The following PPIP5K2 variants were observed in gnomAD, a reference collection of about 807,000 sequenced individuals.
PPIP5K2 encodes the protein diphosphoinositol pentakisphosphate kinase 2, also known as inositol hexakisphosphate and diphosphoinositol-pentakisphosphate kinase 2.
Under a neutral mutation model 154.6 loss-of-function variants are expected in PPIP5K2, and 105 were observed. That is an observed-to-expected ratio of 0.68 (90% CI 0.58 to 0.80). The LOEUF (loss-of-function observed/expected upper bound fraction) is 0.80, where lower values mean the gene tolerates loss of function less well. Ranked by LOEUF, PPIP5K2 falls within the 30% of genes least tolerant of loss-of-function variation. The pLI, the probability that PPIP5K2 is intolerant of heterozygous loss-of-function variation, is 0.00. For synonymous variants in PPIP5K2, 480 were observed against 490.3 expected, an observed-to-expected ratio of 0.98 and a Z score of 0.28; for missense variants, 992 against 1,504.6, an observed-to-expected ratio of 0.66 and a Z score of 5.64.
At chr5:103,140,908 G>C (rs1284636388) in intron 5 of PPIP5K2, among the ~76,000 whole-genome samples, 1 of 151,988 alleles carries the variant, frequency 6.6e-6, no homozygotes, top group African/African-American at 2.4e-5. Flanking sequence ...AGAAACTGAG[G>C]GATTCATGAA....
chr5:103,191,001 A>C lies in PPIP5K2; in HGVS notation c.3493+19A>C, dbSNP rs1801147552. On this transcript the variant is annotated intron_variant, in intron 29 of 30. Coordinates refer to ENST00000358359, the MANE Select transcript of PPIP5K2 (RefSeq NM_001276277.3). ...GAAATTTGTAGGAAATTTTTCTTTC[A>C]TTGTTATTATTTAGTTGCTGGGCAA... 3 of 1,600,308 alleles carry C rather than the reference A, an allele frequency of 1.9e-6. No homozygotes were observed. Among genetic ancestry groups the C allele is most frequent in the Non-Finnish European group, 2.6e-6 (3 of 1,174,222 alleles).
Position 103,154,652 on chromosome 5 carries a change from T to TTC in PPIP5K2, c.1218-16_1218-15dup. 1 of 1,399,750 alleles carries TTC rather than the reference T, an allele frequency of 7.1e-7. No homozygotes were observed. The highest frequency in any genetic ancestry group is 9.9e-7 in the Non-Finnish European group (1 of 1,010,380). 86.7% of individuals were successfully genotyped at this position (1,399,750 alleles called of 1,614,324 possible). A position where few individuals can be genotyped will look rare whatever the true frequency, so the allele number is the denominator to read the frequency against. On this transcript the variant is annotated splice_polypyrimidine_tract_variant and intron_variant, in intron 11 of 30. Transcript: ENST00000358359. ...TAATTATTGCAAGTGACTAACAGTG[T>TTC]TCTGTCTTTTTTATAAGATTTTTTG...
At chr5:103,160,580 A>G (rs781971347) in intron 17 of PPIP5K2, among the ~76,000 whole-genome samples, 36 of 152,220 alleles carry the variant, frequency 2.4e-4, no homozygotes, top group Non-Finnish European at 4.7e-4. Flanking sequence ...ATTTAAAAAA[A>G]TTAGACTTTG....
intron 19 of PPIP5K2, among the ~76,000 whole-genome samples, chr5:103,172,723 A>G (rs1798144200): frequency 6.6e-6 from 1 of 151,852 alleles, no homozygotes; most frequent in Non-Finnish European, 1.5e-5. Flanking sequence ...AGCCTTTTGA[A>G]GAATGTGTTA....
At chr5:103,165,694 G>A (rs1797020678) in intron 17 of PPIP5K2, among the ~76,000 whole-genome samples, 1 of 152,100 alleles carries the variant, frequency 6.6e-6, no homozygotes, top group Non-Finnish European at 1.5e-5. Flanking sequence ...GAAGAAATCA[G>A]CAGTATACAA....
At chr5:103,130,542 C>T (rs77012447) in intron 2 of PPIP5K2, among the ~76,000 whole-genome samples, 6,433 of 152,156 alleles carry the variant, frequency 0.042, 444 homozygotes, top group African/African-American at 0.15. Context: ...TTTATATTAA[C>T]AATATCTTTC....
chr5:103,144,265 A>G (rs1205761245), intron 5 of PPIP5K2, among the ~76,000 whole-genome samples: 4 of 152,160 alleles, frequency 2.6e-5, no homozygotes, highest in African/African-American at 9.6e-5. Flanking sequence ...TAAAATGCTG[A>G]TGAAAAAAAT....
chr5:103,181,161 A>T (rs1051402072), intron 24 of PPIP5K2, among the ~76,000 whole-genome samples: 3 of 152,168 alleles, frequency 2.0e-5, no homozygotes, highest in Admixed American at 1.3e-4. Flanking sequence ...ATACATTTTT[A>T]ATACTTTAAA....
intron 1 of PPIP5K2, among the ~76,000 whole-genome samples, chr5:103,121,646 A>G (rs1404619964): frequency 2.6e-5 from 4 of 152,246 alleles, no homozygotes; most frequent in Non-Finnish European, 5.9e-5. Context: ...TTTATGGAGC[A>G]TTGTGATGCA....
intron 13 of PPIP5K2, among the ~76,000 whole-genome samples, chr5:103,155,201 G>T (rs1280843022): frequency 2.6e-5 from 4 of 151,820 alleles, no homozygotes; most frequent in African/African-American, 9.7e-5. Context: ...TAGAATGAAG[G>T]CCACATTGCT....
At chr5:103,145,564 A>G (rs1554208857) in intron 5 of PPIP5K2, among the ~76,000 whole-genome samples, 1 of 152,148 alleles carries the variant, frequency 6.6e-6, no homozygotes, top group Non-Finnish European at 1.5e-5. Flanking sequence ...AGCTATAAAA[A>G]TAATGAAATC....
chr5:103,187,443 C>T (rs1484439134), intron 28 of PPIP5K2, 67 bp downstream of exon 28: 15 of 1,239,238 alleles, frequency 1.2e-5, no homozygotes, highest in Non-Finnish European at 1.6e-5. Flanking sequence ...TATTTTATTT[C>T]AAAATGTGGG....
At chr5:103,137,675 G>T (rs1791774878) in intron 4 of PPIP5K2, among the ~76,000 whole-genome samples, 2 of 152,032 alleles carry the variant, frequency 1.3e-5, no homozygotes, top group African/African-American at 4.8e-5. Context: ...ATTACAATAT[G>T]AGATTTTATG....
At position 103,201,656 on chromosome 5, in the gene PPIP5K2, T is replaced by C. The variant is rs116234738; in HGVS notation, c.*22T>C. The C allele has an allele frequency of 0.042, 60,830 of 1,460,726 alleles. 1,539 individuals carry two copies. The highest frequency in any genetic ancestry group is 0.049 in the Non-Finnish European group (52,199 of 1,055,018). The allele number at this position is 1,460,726 out of a possible 1,614,324, so 90.5% of individuals were successfully genotyped here. ...ATGAAATCTTAGCAGAAGCTGGAAC[T>C]TTTTATACTTATAAAAATAGTATGT... is the stretch of plus-strand genomic sequence containing the variant. On this transcript the variant is annotated 3_prime_UTR_variant, in exon 31 of 31. Transcript: ENST00000358359.
At position 103,159,322 on chromosome 5, in the gene PPIP5K2, T is replaced by C; in HGVS notation, c.1914T>C (p.Tyr638=). The C allele has an allele frequency of 6.2e-7, 1 of 1,604,452 alleles. No homozygotes were observed. Among genetic ancestry groups the C allele is most frequent in the Non-Finnish European group, 8.5e-7 (1 of 1,176,774 alleles). The change falls in exon 17 of 31, where the codon TAT becomes TAC. Residue 638 remains tyrosine (Y), a synonymous_variant. Transcript: ENST00000358359. ...ACAGAGATTTTACTGCTGAAGATTA[T>C]GAAAAGGTGGGTCTTAGCAAACTCT... The part of the protein sequence containing the change: ...QKDRDFTAED[Y]EKLTPSGSIS...
intron 2 of PPIP5K2, 32 bp downstream of exon 2, chr5:103,129,735 A>G: frequency 6.4e-7 from 1 of 1,570,572 alleles, no homozygotes; most frequent in Non-Finnish European, 8.6e-7. Context: ...TGGCGAGAGA[A>G]GACCAATACA....
intron 30 of PPIP5K2, among the ~76,000 whole-genome samples, chr5:103,197,742 A>G (rs1485528434): frequency 1.3e-5 from 2 of 150,264 alleles, no homozygotes; most frequent in Non-Finnish European, 3.0e-5. Flanking sequence ...CGCCTGGCTA[A>G]TTTTTTTGTG....
intron 10 of PPIP5K2, among the ~76,000 whole-genome samples, chr5:103,153,001 A>C (rs2149576770): frequency 6.6e-6 from 1 of 152,006 alleles, no homozygotes; most frequent in Admixed American, 6.5e-5. Flanking sequence ...AGGTACCAAT[A>C]GGAATGTTAC....
rs1554212128 is a variant in PPIP5K2 at position 103,153,892 on chromosome 5, G to A, written c.1175G>A (p.Arg392Gln). 5.6e-6 allele frequency: 9 copies of A among 1,606,638 alleles called. No individual in the cohort carries two copies. Among genetic ancestry groups the A allele is most frequent in the Non-Finnish European group, 7.7e-6 (9 of 1,176,404 alleles). ...CVIAVIRHGD[R>Q]TPKQKMKMEV... ...ATAGCTGTTATACGTCATGGGGATC[G>A]AACACCAAAACAAAAAATGAAAATG... Residue 392 changes from arginine (R) to glutamine (Q), a missense_variant, in exon 11 of 31, where the codon CGA (arginine) becomes CAA (glutamine). Physicochemically the swap from Arg to Gln is conservative, Grantham distance 43. Transcript: ENST00000358359.
Sources: gnomAD v4.1 joint callset for allele counts (sites outside exome capture counted in the v4.1 genomes callset) on GRCh38, gnomAD v4.1.1 for gene constraint, MANE v1.5 for transcripts, NCBI Gene and HGNC (gene_info 2026-07-23, HGNC 2026-07-21) for gene names.